Variants in RYR3 observed in about 807,000 individuals in gnomAD.
The protein encoded by RYR3 is brain ryanodine receptor-calcium release channel.
In RYR3, 207 loss-of-function variants were observed where a neutral mutation model predicts 584.3. The ratio of observed to expected loss-of-function variants is 0.35; its 90% CI spans 0.32 to 0.40. The LOEUF is 0.40. Among genes scored for constraint, RYR3 ranks in the 10% least tolerant of loss-of-function variants. RYR3 has a pLI of 1.00. For synonymous variants in RYR3, 2,416 were observed against 2,248.5 expected (o/e 1.07, Z -2.11); for missense variants, 5,616 against 6,089.2 (o/e 0.92, Z 2.59).
At chr15:33,864,780 C>G (rs1393974215) in intron 103 of RYR3, 1 of 218,830 alleles carries the variant, frequency 4.6e-6, no homozygotes, top group Non-Finnish European at 9.1e-6. Flanking sequence ...CTGGATTCAG[C>G]ATGCAATAAA....
chr15:33,607,654 A>C (rs2059973676), intron 18 of RYR3, among the ~76,000 whole-genome samples: 1 of 152,252 alleles, frequency 6.6e-6, no homozygotes, highest in Admixed American at 6.5e-5. Flanking sequence ...CTTTGAATAA[A>C]GAAAGTAGAT....
At chr15:33,789,745 G>C (rs1203142643) in intron 67 of RYR3, among the ~76,000 whole-genome samples, 2 of 119,910 alleles carry the variant, frequency 1.7e-5, no homozygotes, top group African/African-American at 6.6e-5. Flanking sequence ...CGCAATCTCG[G>C]CTCACTGCAA....
intron 1 of RYR3, among the ~76,000 whole-genome samples, chr15:33,400,821 G>C (rs2042611764): frequency 6.6e-6 from 1 of 152,066 alleles, no homozygotes; most frequent in Non-Finnish European, 1.5e-5. Context: ...ACTATGACTT[G>C]AACAAGAAAA....
At position 33,562,984 on chromosome 15, in the gene RYR3, TC is replaced by T; in HGVS notation, c.1123del (p.Arg375AlafsTer5). On this transcript the variant is annotated frameshift_variant, in exon 11 of 104. Coordinates refer to ENST00000634891, the MANE Select transcript of RYR3 (RefSeq NM_001036.6). LOFTEE classifies it high-confidence loss of function. ...CTACAAAGCACAAGACGCCAAAACTTCCCGCCTGGGACCTCTAAAAAGAAAG... is the reference window on the plus strand; with the variant it reads ...CTACAAAGCACAAGACGCCAAAACTTCCGCCTGGGACCTCTAAAAAGAAAG... ...VTYKAQDAKT[S>X]RLGPLKRKVI... 1 of 1,611,470 alleles carries T rather than the reference TC, an allele frequency of 6.2e-7. No individual in the cohort carries two copies. Among genetic ancestry groups the T allele is most frequent in the Non-Finnish European group, 8.5e-7 (1 of 1,178,578 alleles).
At chr15:33,610,281 C>T (rs2060115251) in intron 18 of RYR3, among the ~76,000 whole-genome samples, 1 of 152,170 alleles carries the variant, frequency 6.6e-6, no homozygotes, top group South Asian at 2.1e-4. Context: ...TTATATTTTC[C>T]AAGTCTCAAC....
rs75187048 is a variant in RYR3, at chr15:33,551,003, A to G, written c.972+687A>G. On this transcript the variant is annotated intron_variant, in intron 10 of 103. Coordinates refer to ENST00000634891, the MANE Select transcript of RYR3 (RefSeq NM_001036.6). Reference sequence around the variant, plus strand: ...TTAACCTCGAATTAATTGCTTTACCATTTGATGTGTATGTAGACAACTATT... The same window carrying G: ...TTAACCTCGAATTAATTGCTTTACCGTTTGATGTGTATGTAGACAACTATT... 6.1e-3 allele frequency among the ~76,000 whole-genome samples: 936 copies of G among 152,272 alleles called. 9 individuals are homozygous for G. The highest frequency in any genetic ancestry group is 0.022 in the African/African-American group (898 of 41,560).
At chr15:33,670,893 G>C (rs1004619433) in intron 38 of RYR3, among the ~76,000 whole-genome samples, 4 of 152,128 alleles carry the variant, frequency 2.6e-5, no homozygotes, top group African/African-American at 9.6e-5. Flanking sequence ...GTTTCTTAAC[G>C]ATTATTGTTT....
At chr15:33,848,821 GTCC>G (rs1243242759) in intron 94 of RYR3, among the ~76,000 whole-genome samples, 2 of 130,848 alleles carry the variant, frequency 1.5e-5, no homozygotes, top group Admixed American at 1.5e-4. Flanking sequence ...CATCTCTGAA[GTCC>G]TCTTTTTTTT....
Position 33,857,874 on chromosome 15 carries a change from A to C in RYR3, c.14102A>C (p.Asp4701Ala). ...FFRKFYNKSE[D>A]DDEPDMKCDD... ...CGCAAGTTCTACAACAAAAGCGAAG[A>C]CGATGACGAGCCCGATATGAAGTGC... is the stretch of plus-strand genomic sequence containing the variant. The change falls in exon 99 of 104, where the codon GAC becomes GCC. Residue 4701 changes from aspartate (D) to alanine (A), a missense_variant. By Grantham distance (126) the Asp-to-Ala change is moderately radical. Around this residue, in one of 9 missense-constraint regions of RYR3, gnomAD observed 918 missense variants for 887.4 expected, o/e 1.03. Transcript: ENST00000634891. 1 of 1,614,198 alleles carries C rather than the reference A, an allele frequency of 6.2e-7. No homozygotes were observed. The highest frequency in any genetic ancestry group is 8.5e-7 in the Non-Finnish European group (1 of 1,180,040).
chr15:33,430,390 T>C (rs1192276430), intron 1 of RYR3, among the ~76,000 whole-genome samples: 1 of 152,146 alleles, frequency 6.6e-6, no homozygotes, highest in Non-Finnish European at 1.5e-5. Flanking sequence ...CATCTCAAAG[T>C]GGGGACCCAC....
intron 69 of RYR3, among the ~76,000 whole-genome samples, chr15:33,805,432 T>A (rs2076131329): frequency 6.6e-6 from 1 of 151,724 alleles, no homozygotes; most frequent in South Asian, 2.1e-4. Flanking sequence ...TTGCTCATTC[T>A]CCCTCTTTCA....
chr15:33,814,563 C>G lies in RYR3; in HGVS notation c.10502+984C>G, dbSNP rs79787047. On this transcript the variant is annotated intron_variant, in intron 74 of 103. Coordinates refer to ENST00000634891, the MANE Select transcript of RYR3 (RefSeq NM_001036.6). ...AGCCTATAACCTCGTCCTGAGCCAA[C>G]TGGCCACCTGGGCTTTCTTAGGGTC... Among the ~76,000 whole-genome samples, 32 of 152,288 alleles carry G rather than the reference C, an allele frequency of 2.1e-4. 1 individual carries two copies. The East Asian group carries it at 4.6e-3, about 22-fold the overall frequency.
At chr15:33,573,741 A>T (rs761918251) in intron 12 of RYR3, among the ~76,000 whole-genome samples, 4 of 152,224 alleles carry the variant, frequency 2.6e-5, no homozygotes, top group Non-Finnish European at 5.9e-5. Context: ...GGGAAGGGAT[A>T]GGTGATAATT....
In RYR3 at chr15:33,842,017, C is replaced by T. The variant is rs1596959088; in HGVS notation, c.13191C>T (p.Ile4397=). Residue 4397 remains isoleucine, a synonymous_variant, in exon 91 of 104, where the codon ATC becomes ATT. Coordinates refer to ENST00000634891, the MANE Select transcript of RYR3 (RefSeq NM_001036.6). ...FTANFFKGLE[I]YQTKLLHYLA... ...CCAATTTCTTTAAAGGGCTGGAAAT[C>T]TATCAGACCAAGTTACTGGTAAGCA... 31 of 1,601,372 alleles carry T rather than the reference C, an allele frequency of 1.9e-5. No individual in the cohort carries two copies. Among genetic ancestry groups the T allele is most frequent in the Non-Finnish European group, 2.6e-5 (31 of 1,173,794 alleles).
chr15:33,646,314 T>C, intron 28 of RYR3, 37 bp from the exon 29 acceptor site: 1 of 1,552,512 alleles, frequency 6.4e-7, no homozygotes, highest in Non-Finnish European at 8.8e-7. Context: ...GGTCAGGCCC[T>C]TTGGTATGTC....
intron 92 of RYR3, among the ~76,000 whole-genome samples, chr15:33,843,889 A>T (rs1417525802): frequency 6.6e-6 from 1 of 152,230 alleles, no homozygotes; most frequent in Non-Finnish European, 1.5e-5. Flanking sequence ...AAAATGAGTA[A>T]TAAATAAAAT....
At chr15:33,360,904 G>A (rs9921021) in intron 1 of RYR3, among the ~76,000 whole-genome samples, 25,722 of 152,256 alleles carry the variant, frequency 0.17, 2,358 homozygotes, top group East Asian at 0.33. Context: ...ACAGACCTGA[G>A]CAGAGGTTGC....
intron 1 of RYR3, among the ~76,000 whole-genome samples, chr15:33,396,322 C>T (rs978966033): frequency 6.6e-6 from 1 of 152,164 alleles, no homozygotes; most frequent in East Asian, 1.9e-4. Context: ...CTTCCAAACC[C>T]GTCAGTGTTT....
intron 60 of RYR3, among the ~76,000 whole-genome samples, chr15:33,761,363 AAAG>A (rs2072423217): frequency 6.6e-6 from 1 of 152,204 alleles, no homozygotes; most frequent in African/African-American, 2.4e-5. Flanking sequence ...CCAGACTAAT[AAAG>A]AAGAAAAGAG....
Sources: gnomAD v4.1 joint callset for allele counts (sites outside exome capture counted in the v4.1 genomes callset) on GRCh38, gnomAD v4.1.1 for gene constraint, gnomAD v4.1.1 regional missense constraint, MANE v1.5 for transcripts, NCBI Gene and HGNC (gene_info 2026-07-23, HGNC 2026-07-21) for gene names.